ESRRG: variants seen among roughly 807,000 people sequenced by gnomAD.
ESRRG encodes estrogen related receptor gamma.
Under a neutral mutation model 44.0 loss-of-function variants are expected in ESRRG, and 13 were observed. The observed-to-expected ratio is 0.30, with a 90% CI of 0.19 to 0.47. The LOEUF (loss-of-function observed/expected upper bound fraction) is 0.47, where lower values mean the gene tolerates loss of function less well. ESRRG is among the 20% of genes least tolerant of loss of function. The probability of loss-of-function intolerance (pLI) is 1.00; values close to 1 mark genes in which losing one functional copy is unlikely to be tolerated. For synonymous variants in ESRRG, 215 were observed against 214.6 expected, an observed-to-expected ratio of 1.00 and a Z score of -0.02; for missense variants, 395 against 580.6, an observed-to-expected ratio of 0.68 and a Z score of 3.29.
intron 2 of ESRRG, among the ~76,000 whole-genome samples, chr1:216,909,065 A>AT (rs528708251): frequency 2.1e-3 from 325 of 152,250 alleles, no homozygotes; most frequent in African/African-American, 7.5e-3. Context: ...CTTTTCGAGT[A>AT]CATGGGTAGA....
intron 2 of ESRRG, among the ~76,000 whole-genome samples, chr1:216,673,038 G>T (rs1399919774): frequency 6.6e-6 from 1 of 152,102 alleles, no homozygotes; most frequent in Admixed American, 6.5e-5. Flanking sequence ...AGTCTAGCAA[G>T]GCTTGTTGTC....
At chr1:216,821,594 AG>A (rs1367973849) in intron 2 of ESRRG, among the ~76,000 whole-genome samples, 2 of 151,186 alleles carry the variant, frequency 1.3e-5, no homozygotes, top group Non-Finnish European at 2.9e-5. Context: ...CTGAGGTGAG[AG>A]GACGGCTTGT....
At chr1:216,712,159 G>A (rs909692338) in intron 1 of ESRRG, among the ~76,000 whole-genome samples, 1 of 152,108 alleles carries the variant, frequency 6.6e-6, no homozygotes, top group Non-Finnish European at 1.5e-5. Flanking sequence ...TGGGTACATA[G>A]GCCCTAGTGG....
At chr1:216,620,649 A>G (rs1013443513) in intron 3 of ESRRG, among the ~76,000 whole-genome samples, 1 of 152,170 alleles carries the variant, frequency 6.6e-6, no homozygotes, top group Non-Finnish European at 1.5e-5. Flanking sequence ...GTGGTAACAA[A>G]ATGAATAAGG....
intron 1 of ESRRG, among the ~76,000 whole-genome samples, chr1:217,020,346 C>T (rs1188082270): frequency 5.3e-5 from 8 of 152,178 alleles, no homozygotes; most frequent in Non-Finnish European, 1.0e-4. Context: ...CACAGTCTAT[C>T]TTCTTCTGCC....
intron 2 of ESRRG, among the ~76,000 whole-genome samples, chr1:216,812,230 A>AT (rs1243942557): frequency 2.0e-5 from 3 of 152,192 alleles, no homozygotes; most frequent in Admixed American, 1.3e-4. Flanking sequence ...TAAATCCTTG[A>AT]TTTTTTTAAC....
rs573328619 is a variant in ESRRG at position 216,936,202 on chromosome 1, T to C, written c.-14+3380A>G. Reference sequence around the variant, plus strand: ...TTGTGGGGGCAACAAAGAACAAATATATATTTCTTTTTATAAATCACAACC... The same window carrying C: ...TTGTGGGGGCAACAAAGAACAAATACATATTTCTTTTTATAAATCACAACC... On this transcript the variant is annotated intron_variant, in intron 2 of 7. Coordinates refer to the ESRRG transcript ENST00000359162. Among the ~76,000 whole-genome samples, 4 of 152,236 alleles carry C rather than the reference T, an allele frequency of 2.6e-5. No homozygotes were observed. In the East Asian group the frequency reaches 5.8e-4, roughly 22 times the overall value.
chr1:216,919,436 C>T (rs1201979714), intron 2 of ESRRG, among the ~76,000 whole-genome samples: 1 of 152,172 alleles, frequency 6.6e-6, no homozygotes, highest in East Asian at 1.9e-4. Flanking sequence ...GGAGACCAAT[C>T]ATACAGCTAG....
chr1:217,124,838 T>C (rs564486474), intron 1 of ESRRG, among the ~76,000 whole-genome samples: 1 of 152,330 alleles, frequency 6.6e-6, no homozygotes, highest in African/African-American at 2.4e-5. Flanking sequence ...TCTATGCCCC[T>C]AGCCAAAGGT....
At chr1:216,900,624 G>A (rs901169319) in intron 2 of ESRRG, among the ~76,000 whole-genome samples, 29 of 152,244 alleles carry the variant, frequency 1.9e-4, no homozygotes, top group African/African-American at 6.5e-4. Context: ...TTTATATGAA[G>A]AGTCAGCCTC....
intron 1 of ESRRG, among the ~76,000 whole-genome samples, chr1:217,036,595 C>A (rs900145806): frequency 6.6e-6 from 1 of 152,098 alleles, no homozygotes; most frequent in Non-Finnish European, 1.5e-5. Flanking sequence ...CTCTCACTTA[C>A]AAGTGGGAGC....
intron 2 of ESRRG, among the ~76,000 whole-genome samples, chr1:216,807,213 G>A (rs1043621301): frequency 1.3e-5 from 2 of 152,114 alleles, no homozygotes; most frequent in African/African-American, 2.4e-5. Context: ...TTGTTCCACC[G>A]TCGAATGGCA....
At chr1:216,516,668 C>CACACACAGAGAGAGAGAGAG (rs376701865) in intron 6 of ESRRG, among the ~76,000 whole-genome samples, 2,219 of 137,102 alleles carry the variant, frequency 0.016, 82 homozygotes, top group African/African-American at 0.062. Flanking sequence ...CACACACACA[C>CACACACAGAGAGAGAGAGAG]AGAGAGAGAG....
At chr1:216,768,480 A>ATCTATCTATCTGTCTG (rs143754795) in intron 2 of ESRRG, among the ~76,000 whole-genome samples, 10 of 150,170 alleles carry the variant, frequency 6.7e-5, no homozygotes, top group Non-Finnish European at 8.9e-5. Context: ...CTATCTATCT[A>ATCTATCTATCTGTCTG]TCTATCTATC....
chr1:216,539,499 A>G (rs2052038914), intron 5 of ESRRG, among the ~76,000 whole-genome samples: 1 of 151,608 alleles, frequency 6.6e-6, no homozygotes, highest in Non-Finnish European at 1.5e-5. Context: ...GGTTCATTCT[A>G]CTCCAATCAC....
intron 2 of ESRRG, among the ~76,000 whole-genome samples, chr1:216,931,835 C>CAAAAAAAAAAAAAAAAAA (rs56050369): frequency 7.6e-6 from 1 of 130,978 alleles, no homozygotes; most frequent in Non-Finnish European, 1.6e-5. Context: ...TGAGAAACCA[C>CAAAAAAAAAAAAAAAAAA]AAAAAAAAAA....
intron 1 of ESRRG, among the ~76,000 whole-genome samples, chr1:217,078,836 C>G (rs2091528598): frequency 6.6e-6 from 1 of 152,126 alleles, no homozygotes. Flanking sequence ...AGTCTGGTAT[C>G]AACCTCTGCA....
chr1:216,746,980 T>A (rs1247248410), intron 2 of ESRRG, among the ~76,000 whole-genome samples: 9 of 152,216 alleles, frequency 5.9e-5, no homozygotes, highest in Non-Finnish European at 1.3e-4. Flanking sequence ...TCAGTAATTA[T>A]CAGTATGACT....
chr1:216,973,663 C>T lies in ESRRG; in HGVS notation c.-105-33990G>A, dbSNP rs560749225. Among the ~76,000 whole-genome samples, 3 of 152,120 alleles carry T rather than the reference C, an allele frequency of 2.0e-5. No homozygotes were observed. In the East Asian group the frequency reaches 5.8e-4, roughly 29 times the overall value. On this transcript the variant is annotated intron_variant, in intron 1 of 7. Coordinates refer to the ESRRG transcript ENST00000359162. ...CTAACATGGAGAAACCCCATCTCCA[C>T]TAAAAATACAAAATTAGCTGGGTGT... is the stretch of plus-strand genomic sequence containing the variant.
Sources: allele counts gnomAD v4.1 joint callset (sites outside exome capture counted in the v4.1 genomes callset), GRCh38; gene constraint gnomAD v4.1.1; transcripts MANE v1.5; gene names NCBI Gene and HGNC (gene_info 2026-07-23, HGNC 2026-07-21).